The following SNRPD1 variants were observed in gnomAD, a reference collection of about 807,000 sequenced individuals.
SNRPD1 encodes the protein small nuclear ribonucleoprotein Sm D1.
In SNRPD1, 1 loss-of-function variant was observed where a neutral mutation model predicts 14.4. The ratio of observed to expected loss-of-function variants is 0.07; its 90% CI spans 0.02 to 0.33. The LOEUF is 0.33. Among genes scored for constraint, SNRPD1 ranks in the 10% least tolerant of loss-of-function variants. SNRPD1 has a pLI of 1.00. For synonymous variants in SNRPD1, 42 were observed against 50.3 expected (o/e 0.83, Z 0.70); for missense variants, 52 against 146.4 (o/e 0.36, Z 3.33).
chr18:21,626,955 T>TG (rs2039044124), intron 3 of SNRPD1, among the ~76,000 whole-genome samples: 1 of 151,108 alleles, frequency 6.6e-6, no homozygotes, highest in Non-Finnish European at 1.5e-5. Context: ...ATTTTTTTTT[T>TG]TTTTGAATAA....
intron 1 of SNRPD1, among the ~76,000 whole-genome samples, chr18:21,615,262 A>T (rs2038948750): frequency 6.6e-6 from 1 of 152,224 alleles, no homozygotes; most frequent in Admixed American, 6.5e-5. Context: ...CACATTGTGA[A>T]GTGTATCAGT....
At chr18:21,613,312 C>T (rs1315973800) in intron 1 of SNRPD1, among the ~76,000 whole-genome samples, 2 of 152,136 alleles carry the variant, frequency 1.3e-5, no homozygotes, top group African/African-American at 2.4e-5. Flanking sequence ...CAGAGGCAGA[C>T]GTTTCTAATA....
chr18:21,616,329 G>A (rs755874778), intron 1 of SNRPD1, among the ~76,000 whole-genome samples: 3 of 151,568 alleles, frequency 2.0e-5, no homozygotes, highest in Admixed American at 2.0e-4. Context: ...CCAGTTCTTT[G>A]TCAGATGTGT....
At chr18:21,615,303 T>G (rs1219397481) in intron 1 of SNRPD1, among the ~76,000 whole-genome samples, 2 of 152,198 alleles carry the variant, frequency 1.3e-5, no homozygotes, top group Admixed American at 6.5e-5. Flanking sequence ...TGGATATTAG[T>G]GCATTGTGTG....
chr18:21,625,566 T>G (rs193270098), intron 3 of SNRPD1, among the ~76,000 whole-genome samples: 5 of 151,962 alleles, frequency 3.3e-5, no homozygotes, highest in African/African-American at 7.3e-5. Flanking sequence ...TCCACCCGCC[T>G]CGGCCTTCCA....
In SNRPD1 at chr18:21,624,023, C is replaced by G. The variant is rs921762014; in HGVS notation, c.283+84C>G. On this transcript the variant is annotated intron_variant, in intron 3 of 3. Transcript: ENST00000300413. ...TAATATAGATATTATTTGCAAACAA[C>G]ACAAGTGTCTTTGTTGTTTAATATT... is the stretch of plus-strand genomic sequence containing the variant. The G allele has an allele frequency of 7.6e-6, 6 of 794,546 alleles. No homozygotes were observed. In the Admixed American group the frequency reaches 1.4e-4, roughly 18 times the overall value. The allele number at this position is 794,546 out of a possible 1,614,324, so 49.2% of individuals were successfully genotyped here. A position where few individuals can be genotyped will look rare whatever the true frequency, so the allele number is the denominator to read the frequency against.
chr18:21,624,368 C>CTT (rs1481901459), intron 3 of SNRPD1, among the ~76,000 whole-genome samples: 1 of 132,758 alleles, frequency 7.5e-6, no homozygotes, highest in South Asian at 2.4e-4. Context: ...GACAGAGCCA[C>CTT]TGTCTCAAAA....
intron 1 of SNRPD1, among the ~76,000 whole-genome samples, chr18:21,613,767 A>T (rs924057431): frequency 1.1e-3 from 163 of 146,452 alleles, no homozygotes; most frequent in African/African-American, 3.9e-3. Flanking sequence ...AGGCAGGAGA[A>T]TCGCTTGAAC....
At position 21,626,121 on chromosome 18, in the gene SNRPD1, G is replaced by A. The variant is rs375487737; in HGVS notation, c.283+2182G>A. ...AAAATAACTGAAATTGGCCAGGTGC[G>A]GTGGCTCATGCCTGTAATCCCAGTA... On this transcript the variant is annotated intron_variant, in intron 3 of 3. Transcript: ENST00000300413. Among the ~76,000 whole-genome samples the A allele has an allele frequency of 7.2e-5, 11 of 152,158 alleles. No homozygotes were observed. The South Asian group carries it at 1.2e-3, about 17-fold the overall frequency.
intron 3 of SNRPD1, among the ~76,000 whole-genome samples, chr18:21,625,638 TCTCA>T (rs1326308942): frequency 2.0e-5 from 3 of 151,902 alleles, no homozygotes; most frequent in Non-Finnish European, 4.4e-5. Context: ...TGAGATGGAC[TCTCA>T]CTCTGTCGCC....
At chr18:21,619,510 C>G (rs1397457789) in intron 1 of SNRPD1, among the ~76,000 whole-genome samples, 2 of 150,934 alleles carry the variant, frequency 1.3e-5, no homozygotes, top group Non-Finnish European at 3.0e-5. Flanking sequence ...AAGGGCCAGG[C>G]CTGGTGGCTT....
rs144755680 is a variant in SNRPD1 at position 21,615,474 on chromosome 18, T to C, written c.14+3031T>C. On this transcript the variant is annotated intron_variant, in intron 1 of 3. Transcript: ENST00000300413. ...CTACTAAAAATACCAAAAAAGTAGC[T>C]GGGCATGGTGGCAGGTGCCTGTAAT... Among the ~76,000 whole-genome samples the C allele has an allele frequency of 4.0e-3, 603 of 152,020 alleles. 1 individual carries two copies. Among genetic ancestry groups the C allele is most frequent in the Non-Finnish European group, 5.5e-3 (372 of 67,976 alleles).
In SNRPD1 at chr18:21,624,436, A is replaced by G. The variant is rs1036697713; in HGVS notation, c.283+497A>G. On this transcript the variant is annotated intron_variant, in intron 3 of 3. Transcript: ENST00000300413. ...GTCGGGCAGGGTGGCTCACACCTGT[A>G]ATCCCAGCACTTTGGGAGGCCAAGG... 2.0e-5 allele frequency among the ~76,000 whole-genome samples: 3 copies of G among 151,476 alleles called. No homozygotes were observed. In the South Asian group the frequency reaches 6.3e-4, roughly 32 times the overall value.
rs1469761731 is a variant in SNRPD1 at position 21,632,561 on chromosome 18, ACTAGATTGAGTT to A, written c.*3424_*3435del. The A allele has an allele frequency of 2.0e-5, 3 of 152,138 alleles. No homozygotes were observed. Among genetic ancestry groups the A allele is most frequent in the African/African-American group, 7.2e-5 (3 of 41,450 alleles). 9.4% of individuals were successfully genotyped at this position (152,138 alleles called of 1,614,324 possible). A position where few individuals can be genotyped will look rare whatever the true frequency, so the allele number is the denominator to read the frequency against. On this transcript the variant is annotated 3_prime_UTR_variant, in exon 4 of 4. Transcript: ENST00000300413. ...AATGTAATAATAAATCACAGTGGGTACTAGATTGAGTTTATTCCACTAGAGGTCATTATTTCA... is the reference window on the plus strand; with the variant it reads ...AATGTAATAATAAATCACAGTGGGTATATTCCACTAGAGGTCATTATTTCA...
chr18:21,624,072 T>G (rs1005223767), intron 3 of SNRPD1, 133 bp downstream of exon 3: 138 of 635,886 alleles, frequency 2.2e-4, no homozygotes, highest in Non-Finnish European at 3.6e-4. Flanking sequence ...ATAGTAATTC[T>G]TGGTGTTGCT....
intron 3 of SNRPD1, among the ~76,000 whole-genome samples, chr18:21,628,149 G>T (rs1462704851): frequency 6.6e-6 from 1 of 152,178 alleles, no homozygotes; most frequent in Non-Finnish European, 1.5e-5. Context: ...GGAGGCTGAG[G>T]CTGGAGGATT....
chr18:21,623,408 G>T (rs1236138374), intron 2 of SNRPD1, among the ~76,000 whole-genome samples: 2 of 152,176 alleles, frequency 1.3e-5, no homozygotes, highest in African/African-American at 4.8e-5. Context: ...TTGGTGGAAT[G>T]GGGATTATGA....
At chr18:21,625,174 C>T (rs548922610) in intron 3 of SNRPD1, among the ~76,000 whole-genome samples, 4 of 151,810 alleles carry the variant, frequency 2.6e-5, no homozygotes, top group East Asian at 3.9e-4. Context: ...ACCTACCTGT[C>T]GGGGAATTGA....
At position 21,623,724 on chromosome 18, in the gene SNRPD1, C is replaced by G. The variant is rs201620624; in HGVS notation, c.92-24C>G. Reference sequence around the variant, plus strand: ...GCCTTAACTTGTATCATACTAATAACTGCACAATTATTTTCCTCTTTAGGT... The same window carrying G: ...GCCTTAACTTGTATCATACTAATAAGTGCACAATTATTTTCCTCTTTAGGT... On this transcript the variant is annotated intron_variant, in intron 2 of 3. Transcript: ENST00000300413. 208 of 1,553,976 alleles carry G rather than the reference C, an allele frequency of 1.3e-4. No individual in the cohort carries two copies. The African/African-American group carries it at 2.7e-3, about 20-fold the overall frequency.
Sources: allele counts gnomAD v4.1 joint callset (sites outside exome capture counted in the v4.1 genomes callset), GRCh38; gene constraint gnomAD v4.1.1; transcripts MANE v1.5; gene names NCBI Gene and HGNC (gene_info 2026-07-23, HGNC 2026-07-21).